ENOX1: variants seen among roughly 807,000 people sequenced by gnomAD.
The protein encoded by ENOX1 is ecto-NOX disulfide-thiol exchanger 1.
In ENOX1, 42 loss-of-function variants were observed where a neutral mutation model predicts 82.5. The ratio of observed to expected loss-of-function variants is 0.51; its 90% CI spans 0.40 to 0.66. The LOEUF (loss-of-function observed/expected upper bound fraction) is 0.66. Ranked by LOEUF, ENOX1 falls within the 30% of genes least tolerant of loss-of-function variation. The pLI, the probability that ENOX1 is intolerant of heterozygous loss-of-function variation, is 0.00. For synonymous variants in ENOX1, 271 were observed against 282.2 expected, an observed-to-expected ratio of 0.96 and a Z score of 0.40; for missense variants, 608 against 811.6, an observed-to-expected ratio of 0.75 and a Z score of 3.05.
intron 2 of ENOX1, among the ~76,000 whole-genome samples, chr13:43,564,625 A>G (rs2079839272): frequency 6.6e-6 from 1 of 152,174 alleles, no homozygotes; most frequent in Admixed American, 6.6e-5. Flanking sequence ...GGAGAGGATT[A>G]CTTTAAAAAT....
chr13:43,599,209 C>A (rs903874171), intron 2 of ENOX1, among the ~76,000 whole-genome samples: 4 of 151,986 alleles, frequency 2.6e-5, no homozygotes, highest in African/African-American at 9.7e-5. Context: ...TTAAAAGAAC[C>A]AAAAATCACA....
chr13:43,699,637 A>G (rs1478890862), intron 1 of ENOX1, among the ~76,000 whole-genome samples: 2 of 152,226 alleles, frequency 1.3e-5, no homozygotes, highest in Non-Finnish European at 2.9e-5. Context: ...TCAATAATGA[A>G]GAAAAATTAG....
chr13:43,393,246 A>G (rs1226532263), intron 5 of ENOX1, among the ~76,000 whole-genome samples: 1 of 152,208 alleles, frequency 6.6e-6, no homozygotes, highest in Non-Finnish European at 1.5e-5. Flanking sequence ...TCTCAGAGCT[A>G]CCTGCTATGG....
chr13:43,362,136 GA>G (rs1439905759), intron 5 of ENOX1, among the ~76,000 whole-genome samples: 1 of 144,094 alleles, frequency 6.9e-6, no homozygotes, highest in Non-Finnish European at 1.5e-5. Flanking sequence ...CCACCCTTTT[GA>G]AATCTTTATG....
At chr13:43,610,222 A>C (rs937207528) in intron 2 of ENOX1, among the ~76,000 whole-genome samples, 6 of 152,158 alleles carry the variant, frequency 3.9e-5, no homozygotes, top group Admixed American at 2.6e-4. Flanking sequence ...TTTATGTAAT[A>C]TTTTTGCAAC....
chr13:43,735,855 G>A (rs1293934467), intron 1 of ENOX1, among the ~76,000 whole-genome samples: 3 of 152,182 alleles, frequency 2.0e-5, no homozygotes, highest in Non-Finnish European at 4.4e-5. Context: ...GATCACTCAA[G>A]GTTAAAGCTT....
At chr13:43,613,809 T>C (rs918462413) in intron 2 of ENOX1, among the ~76,000 whole-genome samples, 1 of 152,108 alleles carries the variant, frequency 6.6e-6, no homozygotes, top group African/African-American at 2.4e-5. Context: ...TAGGTGCCTG[T>C]AGTCCCAGCT....
chr13:43,628,341 T>C (rs543641230), intron 2 of ENOX1, among the ~76,000 whole-genome samples: 1 of 152,324 alleles, frequency 6.6e-6, no homozygotes, highest in South Asian at 2.1e-4. Context: ...TCTATTGTTA[T>C]GTCTTCCAGT....
chr13:43,641,946 CATG>C (rs2083673292), intron 2 of ENOX1, among the ~76,000 whole-genome samples: 1 of 152,116 alleles, frequency 6.6e-6, no homozygotes, highest in African/African-American at 2.4e-5. Flanking sequence ...ATAGAAACAA[CATG>C]ATGATAATAG....
chr13:43,671,231 A>G (rs1594346144), intron 1 of ENOX1, among the ~76,000 whole-genome samples: 1 of 152,214 alleles, frequency 6.6e-6, no homozygotes, highest in Non-Finnish European at 1.5e-5. Context: ...CAGAACTGTC[A>G]GTCAATTAAA....
chr13:43,257,678 G>A (rs923977234), intron 14 of ENOX1, among the ~76,000 whole-genome samples: 1 of 151,978 alleles, frequency 6.6e-6, no homozygotes, highest in South Asian at 2.1e-4. Flanking sequence ...TGGTACTTAG[G>A]GATAACAGTA....
intron 12 of ENOX1, among the ~76,000 whole-genome samples, chr13:43,273,432 C>T (rs971069078): frequency 6.6e-6 from 1 of 152,128 alleles, no homozygotes; most frequent in South Asian, 2.1e-4. Flanking sequence ...AAAATCTAAA[C>T]CACTAAACTC....
intron 1 of ENOX1, among the ~76,000 whole-genome samples, chr13:43,777,770 G>A (rs999476243): frequency 4.6e-5 from 7 of 151,538 alleles, no homozygotes; most frequent in Admixed American, 1.3e-4. Flanking sequence ...GGCTGGTCTC[G>A]AACTCCTGAC....
At chr13:43,300,155 T>C (rs192614845) in intron 11 of ENOX1, among the ~76,000 whole-genome samples, 3 of 152,232 alleles carry the variant, frequency 2.0e-5, no homozygotes, top group Admixed American at 2.0e-4. Flanking sequence ...AGGGATCAAT[T>C]ACTTAACACG....
chr13:43,499,981 G>A (rs2076925445), intron 2 of ENOX1, among the ~76,000 whole-genome samples: 1 of 151,862 alleles, frequency 6.6e-6, no homozygotes, highest in African/African-American at 2.4e-5. Context: ...ATTCAATCAA[G>A]CAGAAGAAAG....
At chr13:43,671,954 T>A (rs1211790722) in intron 1 of ENOX1, among the ~76,000 whole-genome samples, 1 of 152,232 alleles carries the variant, frequency 6.6e-6, no homozygotes, top group Non-Finnish European at 1.5e-5. Flanking sequence ...TTATTAAATA[T>A]CATCAATAGT....
intron 9 of ENOX1, among the ~76,000 whole-genome samples, chr13:43,338,014 C>T (rs913905469): frequency 6.6e-6 from 1 of 152,222 alleles, no homozygotes; most frequent in African/African-American, 2.4e-5. Context: ...TTCTGCACTG[C>T]TGCTGGCTTT....
chr13:43,548,061 C>T (rs954206319), intron 2 of ENOX1: 34 of 152,080 alleles, frequency 2.2e-4, no homozygotes, highest in African/African-American at 8.2e-4. Flanking sequence ...TAGAATTTGG[C>T]CAAAGGCTCT....
intron 11 of ENOX1, among the ~76,000 whole-genome samples, chr13:43,311,112 T>C (rs1415723151): frequency 1.3e-5 from 2 of 151,914 alleles, no homozygotes; most frequent in African/African-American, 2.4e-5. Flanking sequence ...TGAGGCACAG[T>C]CACCCTGAGA....
Sources: gnomAD v4.1 joint callset for allele counts (sites outside exome capture counted in the v4.1 genomes callset) on GRCh38, gnomAD v4.1.1 for gene constraint, MANE v1.5 for transcripts, NCBI Gene and HGNC (gene_info 2026-07-23, HGNC 2026-07-21) for gene names.